Variants in TBXAS1 observed in about 807,000 individuals in gnomAD.
The protein encoded by TBXAS1 is thromboxane-A synthase.
A neutral mutation model predicts 60.7 loss-of-function variants in TBXAS1; 48 were observed. The observed-to-expected ratio is 0.79, with a 90% CI of 0.63 to 1.01. The LOEUF (loss-of-function observed/expected upper bound fraction) is 1.01. Ranked by LOEUF, TBXAS1 falls within the 50% of genes least tolerant of loss-of-function variation. The pLI, the probability that TBXAS1 is intolerant of heterozygous loss-of-function variation, is 0.00. For synonymous variants in TBXAS1, 287 were observed against 269.7 expected (o/e 1.06, Z -0.63); for missense variants, 685 against 686.3 (o/e 1.00, Z 0.02).
intron 12 of TBXAS1, among the ~76,000 whole-genome samples, chr7:140,018,735 G>A (rs1032424021): frequency 2.6e-5 from 4 of 152,210 alleles, no homozygotes; most frequent in African/African-American, 7.2e-5. Context: ...CCACACAGCA[G>A]GACTGCAGGC....
chr7:139,895,659 T>C (rs952180497), intron 3 of TBXAS1, among the ~76,000 whole-genome samples: 2 of 152,222 alleles, frequency 1.3e-5, no homozygotes, highest in African/African-American at 4.8e-5. Flanking sequence ...AGAAGGGGGA[T>C]CTGGACGACA....
chr7:139,978,775 C>CA (rs35583867), intron 9 of TBXAS1, among the ~76,000 whole-genome samples: 3,566 of 90,746 alleles, frequency 0.039, 67 homozygotes, highest in African/African-American at 0.069. Flanking sequence ...CCTGCCTCTA[C>CA]AAAAAAAAAA....
chr7:139,910,040 G>T (rs1805397058), intron 3 of TBXAS1, among the ~76,000 whole-genome samples: 1 of 152,104 alleles, frequency 6.6e-6, no homozygotes, highest in African/African-American at 2.4e-5. Context: ...CCAGAACTCA[G>T]CTTGGGAAGC....
At chr7:139,900,192 A>T (rs770183380) in intron 3 of TBXAS1, among the ~76,000 whole-genome samples, 87 of 152,296 alleles carry the variant, frequency 5.7e-4, no homozygotes, top group Non-Finnish European at 1.2e-3. Flanking sequence ...TAAAATTCAA[A>T]CACCCCATAC....
At chr7:140,018,390 G>A (rs150021656) in intron 12 of TBXAS1, among the ~76,000 whole-genome samples, 4 of 152,122 alleles carry the variant, frequency 2.6e-5, no homozygotes, top group South Asian at 4.2e-4. Flanking sequence ...AGACACTCAC[G>A]TGTCCCCATG....
At chr7:139,844,786 G>A (rs1018110686) in intron 1 of TBXAS1, among the ~76,000 whole-genome samples, 2 of 152,174 alleles carry the variant, frequency 1.3e-5, no homozygotes, top group African/African-American at 4.8e-5. Context: ...TGATCTAAGA[G>A]CGTACCTAAG....
upstream of TBXAS1, among the ~76,000 whole-genome samples, chr7:139,827,963 A>C (rs1427042130): frequency 6.6e-6 from 1 of 152,204 alleles, no homozygotes; most frequent in Non-Finnish European, 1.5e-5. Context: ...GTGCTGAGGC[A>C]AAGATCTTTT....
At chr7:139,955,384 C>A (rs1569519003) in intron 6 of TBXAS1, 75 bp from the exon 7 acceptor site, 1 of 1,599,046 alleles carries the variant, frequency 6.3e-7, no homozygotes, top group East Asian at 2.2e-5. Context: ...TTCAGGCCCT[C>A]CTCCTCTGGA....
intron 5 of TBXAS1, chr7:139,952,501 G>A (rs376839079): frequency 1.3e-6 from 2 of 1,524,514 alleles, no homozygotes; most frequent in African/African-American, 2.7e-5. Context: ...TAGCTGTGAT[G>A]CTATTCTAGA....
At position 139,802,027 on chromosome 7, in the gene TBXAS1, G is replaced by C. The variant is rs921833749; in HGVS notation, c.-80+14601G>C. Among the ~76,000 whole-genome samples, 8 of 152,306 alleles carry C rather than the reference G, an allele frequency of 5.3e-5. No homozygotes were observed. In the South Asian group the frequency reaches 1.2e-3, roughly 24 times the overall value. On this transcript the variant is annotated intron_variant, in intron 4 of 16. Coordinates refer to the TBXAS1 transcript ENST00000336425. The stretch of plus-strand genomic sequence containing the variant: ...GATCCACCCACCTTGGCCTCCCAAA[G>C]TGCTGGGATTACAGGTGTGAGCCAC...
chr7:139,815,730 T>A (rs1350842323), intron 4 of TBXAS1, among the ~76,000 whole-genome samples: 1 of 152,082 alleles, frequency 6.6e-6, no homozygotes, highest in Non-Finnish European at 1.5e-5. Context: ...AGTGCAAGTA[T>A]GAGACCAGGG....
intron 4 of TBXAS1, among the ~76,000 whole-genome samples, chr7:139,809,040 T>G (rs1480162579): frequency 2.0e-5 from 3 of 151,982 alleles, no homozygotes; most frequent in Non-Finnish European, 4.4e-5. Flanking sequence ...TAGAGCAGTT[T>G]TAAGTATAAA....
chr7:139,950,900 A>C (rs1013102565), intron 5 of TBXAS1, among the ~76,000 whole-genome samples: 5 of 147,008 alleles, frequency 3.4e-5, no homozygotes, highest in African/African-American at 5.0e-5. Context: ...TACAGGACCC[A>C]CTCCTTCAGC....
chr7:139,982,918 C>T (rs1406049939), intron 9 of TBXAS1, among the ~76,000 whole-genome samples: 1 of 152,152 alleles, frequency 6.6e-6, no homozygotes, highest in Admixed American at 6.5e-5. Context: ...TCCCCCAACT[C>T]CCAACCCTGC....
chr7:139,871,430 C>T (rs1260582504), intron 1 of TBXAS1, among the ~76,000 whole-genome samples: 1 of 152,162 alleles, frequency 6.6e-6, no homozygotes, highest in African/African-American at 2.4e-5. Flanking sequence ...GGGATCAGAG[C>T]CATATGTGCA....
chr7:139,846,637 A>G (rs146935967), intron 1 of TBXAS1, among the ~76,000 whole-genome samples: 40 of 152,334 alleles, frequency 2.6e-4, no homozygotes, highest in African/African-American at 8.9e-4. Flanking sequence ...CTCATTCTGA[A>G]TTCTCACCTG....
At chr7:139,904,143 T>A (rs1804788839) in intron 3 of TBXAS1, among the ~76,000 whole-genome samples, 1 of 152,016 alleles carries the variant, frequency 6.6e-6, no homozygotes, top group Non-Finnish European at 1.5e-5. Flanking sequence ...GAGATGAAGA[T>A]CCAGTTTATT....
At chr7:139,844,426 T>A (rs1037411605) in intron 1 of TBXAS1, among the ~76,000 whole-genome samples, 1 of 152,230 alleles carries the variant, frequency 6.6e-6, no homozygotes, top group Non-Finnish European at 1.5e-5. Context: ...ATTTTCCCAT[T>A]TTAATTATTC....
At chr7:139,953,990 C>G (rs1412363602) in intron 6 of TBXAS1, among the ~76,000 whole-genome samples, 1 of 152,148 alleles carries the variant, frequency 6.6e-6, no homozygotes, top group African/African-American at 2.4e-5. Context: ...TATAAACTTT[C>G]TTAAAACATT....
Sources: allele counts gnomAD v4.1 joint callset (sites outside exome capture counted in the v4.1 genomes callset), GRCh38; gene constraint gnomAD v4.1.1; transcripts MANE v1.5; gene names NCBI Gene and HGNC (gene_info 2026-07-23, HGNC 2026-07-21).